DAAM1: variants seen among roughly 807,000 people sequenced by gnomAD.
DAAM1 encodes disheveled-associated activator of morphogenesis 1.
A neutral mutation model predicts 130.0 loss-of-function variants in DAAM1; 52 were observed. That is an observed-to-expected ratio of 0.40 (90% CI 0.32 to 0.50). The LOEUF (loss-of-function observed/expected upper bound fraction) is 0.50, where lower values mean the gene tolerates loss of function less well. DAAM1 is among the 20% of genes least tolerant of loss of function. The pLI is 0.61. For missense variants in DAAM1, 1,134 were observed against 1,303.8 expected, an observed-to-expected ratio of 0.87 and a Z score of 2.01; for synonymous variants, 452 against 444.5, an observed-to-expected ratio of 1.02 and a Z score of -0.21.
chr14:59,271,575 A>G (rs977654027), intron 2 of DAAM1, among the ~76,000 whole-genome samples: 1 of 152,208 alleles, frequency 6.6e-6, no homozygotes, highest in African/African-American at 2.4e-5. Flanking sequence ...TTGGGAACCT[A>G]CATCAATAAT....
chr14:59,341,873 G>C (rs1885862866), intron 16 of DAAM1, among the ~76,000 whole-genome samples: 1 of 152,102 alleles, frequency 6.6e-6, no homozygotes, highest in African/African-American at 2.4e-5. Flanking sequence ...GGTGAAGGGA[G>C]CTGTCACAGA....
intron 1 of DAAM1, among the ~76,000 whole-genome samples, chr14:59,207,532 A>G (rs1047530256): frequency 2.6e-5 from 4 of 152,266 alleles, no homozygotes; most frequent in Admixed American, 6.5e-5. Flanking sequence ...AAACATATCA[A>G]TAATGAAACC....
At chr14:59,234,595 C>G (rs1228548598) in intron 1 of DAAM1, among the ~76,000 whole-genome samples, 1 of 152,154 alleles carries the variant, frequency 6.6e-6, no homozygotes, top group Non-Finnish European at 1.5e-5. Context: ...GACTTCCTCT[C>G]TTCCTATTTG....
chr14:59,335,940 T>C (rs1303454407), intron 15 of DAAM1, among the ~76,000 whole-genome samples: 1 of 152,120 alleles, frequency 6.6e-6, no homozygotes, highest in Non-Finnish European at 1.5e-5. Flanking sequence ...AAAAATGTTA[T>C]GATTTAAGAT....
At chr14:59,307,900 T>C (rs1884433204) in intron 3 of DAAM1, among the ~76,000 whole-genome samples, 1 of 152,228 alleles carries the variant, frequency 6.6e-6, no homozygotes, top group Non-Finnish European at 1.5e-5. Context: ...ATTTATGTTT[T>C]AGATGTGAAG....
intron 1 of DAAM1, among the ~76,000 whole-genome samples, chr14:59,219,541 A>G (rs965956812): frequency 6.6e-6 from 1 of 152,130 alleles, no homozygotes; most frequent in Non-Finnish European, 1.5e-5. Context: ...ATATCTGCTT[A>G]TAATTGGTGG....
At chr14:59,355,639 G>A (rs1295063859) in intron 20 of DAAM1, among the ~76,000 whole-genome samples, 1 of 151,918 alleles carries the variant, frequency 6.6e-6, no homozygotes, top group African/African-American at 2.4e-5. Context: ...ATTATTTTTT[G>A]TAAACTTTTT....
chr14:59,197,950 A>G (rs746036966), intron 1 of DAAM1, among the ~76,000 whole-genome samples: 10 of 152,178 alleles, frequency 6.6e-5, no homozygotes, highest in African/African-American at 1.2e-4. Flanking sequence ...GAAGGCTTAC[A>G]TTGTAATTCT....
chr14:59,272,768 G>A (rs185002000), intron 2 of DAAM1, among the ~76,000 whole-genome samples: 4 of 152,192 alleles, frequency 2.6e-5, no homozygotes, highest in Non-Finnish European at 5.9e-5. Flanking sequence ...GTGAAGATAT[G>A]CAATATATCA....
intron 4 of DAAM1, among the ~76,000 whole-genome samples, chr14:59,319,804 C>A (rs1158412280): frequency 1.3e-5 from 2 of 152,120 alleles, no homozygotes; most frequent in East Asian, 3.8e-4. Context: ...AATGCAACAT[C>A]TCAGACCTCA....
chr14:59,262,052 C>G (rs1882183564), intron 1 of DAAM1, among the ~76,000 whole-genome samples: 1 of 147,456 alleles, frequency 6.8e-6, no homozygotes, highest in Admixed American at 6.8e-5. Flanking sequence ...CTCATCCCAC[C>G]TTTTTTTTTT....
At chr14:59,360,768 A>ATGTT in intron 21 of DAAM1, 34 bp from the exon 22 acceptor site, 1 of 1,601,666 alleles carries the variant, frequency 6.2e-7, no homozygotes, top group Non-Finnish European at 8.5e-7. Context: ...TGTAAGTCAC[A>ATGTT]TGTTGATTGC....
chr14:59,234,854 G>C (rs1889240392), intron 1 of DAAM1, among the ~76,000 whole-genome samples: 1 of 152,112 alleles, frequency 6.6e-6, no homozygotes, highest in Non-Finnish European at 1.5e-5. Context: ...TAGCATGAAT[G>C]GATGTTGAAT....
chr14:59,326,050 A>G lies in DAAM1; in HGVS notation c.1147A>G (p.Ile383Val). The change falls in exon 10 of 25, where the codon ATC becomes GTC. Residue 383 changes from isoleucine to valine, a missense_variant. By Grantham distance (29) the Ile-to-Val change is conservative. This residue lies in a region of DAAM1 where 391 missense variants were observed against 521.6 expected (regional missense o/e 0.75). Transcript: ENST00000360909. The part of the protein sequence containing the change: ...HSEAYPHFMS[I>V]LHHCLQMPYK... ...TGAAGCTTACCCGCATTTCATGTCC[A>G]TCCTGCACCACTGCCTCCAAATGCC... 4 of 1,614,194 alleles carry G rather than the reference A, an allele frequency of 2.5e-6. No homozygotes were observed. Among genetic ancestry groups the G allele is most frequent in the South Asian group, 1.1e-5 (1 of 91,084 alleles).
intron 20 of DAAM1, among the ~76,000 whole-genome samples, chr14:59,357,676 G>A (rs1886537121): frequency 6.6e-6 from 1 of 152,174 alleles, no homozygotes. Flanking sequence ...TACTCAGGAG[G>A]CTGGAGCAGG....
intron 4 of DAAM1, among the ~76,000 whole-genome samples, chr14:59,315,651 C>T (rs1307976452): frequency 1.3e-5 from 2 of 152,286 alleles, no homozygotes; most frequent in African/African-American, 2.4e-5. Context: ...TGCAATTGCT[C>T]TTACCAGTCA....
chr14:59,342,858 GGT>G (rs1885904847), intron 16 of DAAM1, among the ~76,000 whole-genome samples: 1 of 152,186 alleles, frequency 6.6e-6, no homozygotes. Flanking sequence ...GGGCCGGGAA[GGT>G]GGTGTCAAGG....
chr14:59,335,491 C>A (rs928492325), intron 15 of DAAM1, among the ~76,000 whole-genome samples: 7 of 152,174 alleles, frequency 4.6e-5, no homozygotes, highest in African/African-American at 1.4e-4. Flanking sequence ...AAACAATATT[C>A]ATCTCCGTTT....
intron 23 of DAAM1, among the ~76,000 whole-genome samples, chr14:59,365,813 A>G (rs189020313): frequency 2.0e-5 from 3 of 152,312 alleles, no homozygotes; most frequent in Non-Finnish European, 2.9e-5. Flanking sequence ...GCGTAGGGAA[A>G]AATGTATTTG....
Sources: allele counts gnomAD v4.1 joint callset (sites outside exome capture counted in the v4.1 genomes callset), GRCh38; gene constraint gnomAD v4.1.1; regional missense constraint gnomAD v4.1.1; transcripts MANE v1.5; gene names NCBI Gene and HGNC (gene_info 2026-07-23, HGNC 2026-07-21).